The following EYA4 variants were observed in gnomAD, a reference collection of about 807,000 sequenced individuals.
EYA4 encodes the protein protein phosphatase EYA4.
A neutral mutation model predicts 87.9 loss-of-function variants in EYA4; 31 were observed. The observed-to-expected ratio is 0.35, with a 90% CI of 0.27 to 0.48. The LOEUF is 0.48. Among genes scored for constraint, EYA4 ranks in the 20% least tolerant of loss-of-function variants. The probability of loss-of-function intolerance (pLI) is 0.99; values close to 1 mark genes in which losing one functional copy is unlikely to be tolerated. For synonymous variants in EYA4, 263 were observed against 270.6 expected (o/e 0.97, Z 0.28); for missense variants, 678 against 761.4 (o/e 0.89, Z 1.29).
At chr6:133,370,178 A>T (rs74618358) in intron 2 of EYA4, among the ~76,000 whole-genome samples, 3 of 152,138 alleles carry the variant, frequency 2.0e-5, no homozygotes, top group Non-Finnish European at 4.4e-5. Flanking sequence ...TTCTACTGAC[A>T]ATGGAGACTG....
At chr6:133,274,556 A>T (rs1777008593) in intron 1 of EYA4, among the ~76,000 whole-genome samples, 160 bp from the exon 2 acceptor site, 1 of 152,178 alleles carries the variant, frequency 6.6e-6, no homozygotes, top group Non-Finnish European at 1.5e-5. Context: ...CAAGATCATT[A>T]ATTGCATCAG....
chr6:133,419,724 A>G (rs190710580), intron 3 of EYA4, among the ~76,000 whole-genome samples: 2 of 152,330 alleles, frequency 1.3e-5, no homozygotes, highest in African/African-American at 2.4e-5. Flanking sequence ...AGTCTGTGCA[A>G]TTAAAAAACA....
chr6:133,376,272 A>T (rs1271954891), intron 2 of EYA4, among the ~76,000 whole-genome samples: 1 of 151,822 alleles, frequency 6.6e-6, no homozygotes, highest in East Asian at 1.9e-4. Flanking sequence ...TTCAGTGAAG[A>T]AGTAGTCTTA....
intron 1 of EYA4, among the ~76,000 whole-genome samples, chr6:133,252,235 A>G (rs916807111): frequency 6.6e-6 from 1 of 152,196 alleles, no homozygotes; most frequent in Non-Finnish European, 1.5e-5. Context: ...CTGTAGTGTT[A>G]GAAAAGGTAA....
chr6:133,278,389 GA>G (rs1245795769), intron 2 of EYA4, among the ~76,000 whole-genome samples: 1 of 152,140 alleles, frequency 6.6e-6, no homozygotes, highest in Non-Finnish European at 1.5e-5. Context: ...CTACAGGACT[GA>G]AACCCTATCT....
chr6:133,496,353 AT>A (rs1204827736), intron 13 of EYA4, among the ~76,000 whole-genome samples: 1 of 152,158 alleles, frequency 6.6e-6, no homozygotes, highest in African/African-American at 2.4e-5. Context: ...TAGCATAGTG[AT>A]TTTTTTGATT....
chr6:133,425,156 C>T (rs1053481356), intron 3 of EYA4, among the ~76,000 whole-genome samples: 1 of 150,722 alleles, frequency 6.6e-6, no homozygotes. Flanking sequence ...ACCACTTAAT[C>T]TTTCACAGAA....
intron 1 of EYA4, among the ~76,000 whole-genome samples, chr6:133,256,600 C>G (rs539702954): frequency 6.6e-6 from 1 of 152,178 alleles, no homozygotes; most frequent in East Asian, 1.9e-4. Flanking sequence ...TTATACATGT[C>G]ACAATATCAG....
intron 3 of EYA4, among the ~76,000 whole-genome samples, chr6:133,410,872 G>T (rs555513349): frequency 6.6e-6 from 1 of 151,986 alleles, no homozygotes; most frequent in South Asian, 2.1e-4. Flanking sequence ...TGGGGGAAGG[G>T]GAAGAGAGTT....
intron 2 of EYA4, among the ~76,000 whole-genome samples, chr6:133,321,027 G>C (rs938458283): frequency 6.6e-6 from 1 of 151,898 alleles, no homozygotes; most frequent in Non-Finnish European, 1.5e-5. Context: ...TTTTCTTCTC[G>C]GCACTTCAAA....
At chr6:133,440,036 T>A (rs1201475266) in intron 3 of EYA4, among the ~76,000 whole-genome samples, 1 of 152,222 alleles carries the variant, frequency 6.6e-6, no homozygotes, top group Non-Finnish European at 1.5e-5. Flanking sequence ...GACCAAGCCC[T>A]GCGCCATCTA....
At chr6:133,387,857 AT>A (rs1236602680) in intron 3 of EYA4, among the ~76,000 whole-genome samples, 2 of 151,990 alleles carry the variant, frequency 1.3e-5, no homozygotes, top group African/African-American at 2.4e-5. Context: ...TCTTTTCATC[AT>A]TTTTGGCTGG....
At chr6:133,295,488 G>T (rs993072051) in intron 2 of EYA4, among the ~76,000 whole-genome samples, 2 of 152,142 alleles carry the variant, frequency 1.3e-5, no homozygotes, top group African/African-American at 4.8e-5. Flanking sequence ...GAAATAAAAT[G>T]ATAATGAAAC....
intron 5 of EYA4, among the ~76,000 whole-genome samples, chr6:133,451,220 A>G (rs1236591874): frequency 1.3e-5 from 2 of 152,210 alleles, no homozygotes; most frequent in African/African-American, 4.8e-5. Flanking sequence ...TTTCATTAAA[A>G]TGTTCATGTC....
rs530362156 is a variant in EYA4 at position 133,299,182 on chromosome 6, G to T, written c.33+24369G>T. On this transcript the variant is annotated intron_variant, in intron 2 of 19. Transcript: ENST00000355286. ...TGGGAACTCCAATGGGATGTCCTCA[G>T]GGAGTCACTTAGGAAAATGATGAAC... Among the ~76,000 whole-genome samples, 32 of 152,280 alleles carry T rather than the reference G, an allele frequency of 2.1e-4. 1 individual carries two copies. The highest frequency in any genetic ancestry group is 7.2e-4 in the African/African-American group (30 of 41,548).
intron 11 of EYA4, among the ~76,000 whole-genome samples, chr6:133,469,654 G>A (rs1195957855): frequency 1.3e-5 from 2 of 151,920 alleles, no homozygotes; most frequent in Non-Finnish European, 2.9e-5. Context: ...ATATGCAAAA[G>A]AGGAAAGGAT....
At chr6:133,508,967 C>T (rs1237648229) in intron 14 of EYA4, among the ~76,000 whole-genome samples, 2 of 152,134 alleles carry the variant, frequency 1.3e-5, no homozygotes, top group Non-Finnish European at 2.9e-5. Context: ...AGCTATTCAA[C>T]AATACTGTAC....
chr6:133,477,057 A>G (rs1795805223), intron 11 of EYA4, among the ~76,000 whole-genome samples: 5 of 152,058 alleles, frequency 3.3e-5, no homozygotes, highest in Admixed American at 2.6e-4. Context: ...CACCTTGTGA[A>G]GAAGGTGCCT....
chr6:133,497,453 A>C (rs1409151458), intron 13 of EYA4, among the ~76,000 whole-genome samples: 1 of 152,074 alleles, frequency 6.6e-6, no homozygotes, highest in Non-Finnish European at 1.5e-5. Flanking sequence ...GTCTTTTCCA[A>C]GCAGAACTAT....
Sources: gnomAD v4.1 joint callset for allele counts (sites outside exome capture counted in the v4.1 genomes callset) on GRCh38, gnomAD v4.1.1 for gene constraint, MANE v1.5 for transcripts, NCBI Gene and HGNC (gene_info 2026-07-23, HGNC 2026-07-21) for gene names.